ELAPOR2: variants seen among roughly 807,000 people sequenced by gnomAD.
ELAPOR2 encodes the protein endosome/lysosome-associated apoptosis and autophagy regulator family member 2.
In ELAPOR2, 89 loss-of-function variants were observed where a neutral mutation model predicts 120.7. The observed-to-expected ratio is 0.74, with a 90% CI of 0.62 to 0.88. The LOEUF (loss-of-function observed/expected upper bound fraction) is 0.88. Ranked by LOEUF, ELAPOR2 falls within the 40% of genes least tolerant of loss-of-function variation. The pLI, the probability that ELAPOR2 is intolerant of heterozygous loss-of-function variation, is 0.00. For synonymous variants in ELAPOR2, 444 were observed against 444.9 expected (o/e 1.00, Z 0.03); for missense variants, 1,134 against 1,251.6 (o/e 0.91, Z 1.42).
intron 1 of ELAPOR2, among the ~76,000 whole-genome samples, chr7:87,024,711 G>A (rs1486774822): frequency 6.6e-6 from 1 of 151,788 alleles, no homozygotes; most frequent in Admixed American, 6.6e-5. Context: ...TTTTTGGTTG[G>A]TAAGCTATAA....
chr7:86,885,636 T>C (rs1318071343), intron 21 of ELAPOR2, among the ~76,000 whole-genome samples: 2 of 151,696 alleles, frequency 1.3e-5, no homozygotes, highest in African/African-American at 4.8e-5. Context: ...CTGGAGAGGG[T>C]TTCTTAAACA....
At chr7:87,045,705 A>C (rs1292916742) in intron 1 of ELAPOR2, among the ~76,000 whole-genome samples, 1 of 151,898 alleles carries the variant, frequency 6.6e-6, no homozygotes, top group African/African-American at 2.4e-5. Context: ...ACATGTATAC[A>C]TATGTAACTA....
At chr7:86,946,669 G>A (rs560629582) in intron 3 of ELAPOR2, among the ~76,000 whole-genome samples, 2 of 152,292 alleles carry the variant, frequency 1.3e-5, no homozygotes, top group Non-Finnish European at 2.9e-5. Flanking sequence ...TTACAGGCAT[G>A]AGCCACCGCC....
intron 8 of ELAPOR2, among the ~76,000 whole-genome samples, chr7:86,928,213 T>C (rs1287536199): frequency 6.6e-6 from 1 of 151,970 alleles, no homozygotes; most frequent in Non-Finnish European, 1.5e-5. Context: ...TCTTACCATC[T>C]GTAAAATAAT....
chr7:86,987,164 T>G (rs1332435703), intron 1 of ELAPOR2, among the ~76,000 whole-genome samples: 2 of 152,150 alleles, frequency 1.3e-5, no homozygotes, highest in Non-Finnish European at 1.5e-5. Flanking sequence ...TGAAACTGGA[T>G]CCCTTCCTTA....
intron 21 of ELAPOR2, chr7:86,891,439 T>C (rs1404346734): frequency 6.8e-6 from 2 of 294,388 alleles, no homozygotes; most frequent in Non-Finnish European, 1.2e-5. Flanking sequence ...TCAGTACACA[T>C]AGCTATCTCA....
chr7:86,885,327 T>C (rs770152081), intron 21 of ELAPOR2, among the ~76,000 whole-genome samples: 2 of 152,114 alleles, frequency 1.3e-5, no homozygotes, highest in Non-Finnish European at 2.9e-5. Flanking sequence ...CTCAAATAAA[T>C]GATGTCAGTA....
At chr7:87,025,131 T>C (rs1240923443) in intron 1 of ELAPOR2, among the ~76,000 whole-genome samples, 2 of 152,090 alleles carry the variant, frequency 1.3e-5, no homozygotes, top group East Asian at 3.9e-4. Flanking sequence ...TGAGGAATAC[T>C]AAGTATTTCA....
intron 1 of ELAPOR2, among the ~76,000 whole-genome samples, chr7:87,035,496 A>G (rs777192252): frequency 1.1e-4 from 16 of 152,170 alleles, no homozygotes; most frequent in Non-Finnish European, 2.1e-4. Flanking sequence ...TGGCCCCCTC[A>G]AGTCTACTCT....
At chr7:87,047,172 A>G (rs1448095717) in intron 1 of ELAPOR2, among the ~76,000 whole-genome samples, 5 of 152,226 alleles carry the variant, frequency 3.3e-5, no homozygotes, top group Non-Finnish European at 7.3e-5. Context: ...CTCCCACTGT[A>G]TACAAAAATC....
At position 87,039,503 on chromosome 7, in the gene ELAPOR2, C is replaced by T. The variant is rs989143236; in HGVS notation, c.189+19822G>A. Among the ~76,000 whole-genome samples, 4 of 151,986 alleles carry T rather than the reference C, an allele frequency of 2.6e-5. No homozygotes were observed. The East Asian group carries it at 7.7e-4, about 29-fold the overall frequency. Reference sequence around the variant, plus strand: ...TCTGACGAATACTGATGTAAAAATCCTCAACAAAATACTAGCAAAATGAAT... The same window carrying T: ...TCTGACGAATACTGATGTAAAAATCTTCAACAAAATACTAGCAAAATGAAT... On this transcript the variant is annotated intron_variant, in intron 1 of 21. Coordinates refer to ENST00000450689, the MANE Select transcript of ELAPOR2 (RefSeq NM_001142749.3).
At chr7:86,945,069 C>A in intron 3 of ELAPOR2, 23 bp from the exon 4 acceptor site, 2 of 1,544,212 alleles carry the variant, frequency 1.3e-6, no homozygotes, top group Non-Finnish European at 1.7e-6. Context: ...AACCAAGAAG[C>A]ACTTTACATT....
intron 19 of ELAPOR2, among the ~76,000 whole-genome samples, chr7:86,893,543 C>G (rs554576420): frequency 1.8e-4 from 27 of 151,980 alleles, no homozygotes; most frequent in Non-Finnish European, 3.5e-4. Flanking sequence ...ATTCACCCAT[C>G]ATGTAAGCCC....
chr7:86,903,328 T>A (rs1205119287), intron 18 of ELAPOR2, among the ~76,000 whole-genome samples: 3 of 152,228 alleles, frequency 2.0e-5, no homozygotes, highest in African/African-American at 7.2e-5. Flanking sequence ...AATGCATCTA[T>A]ATGCCTTTTT....
chr7:87,055,104 CCCAGGTCA>C (rs1795222372), intron 1 of ELAPOR2, among the ~76,000 whole-genome samples: 2 of 152,120 alleles, frequency 1.3e-5, no homozygotes, highest in African/African-American at 4.8e-5. Flanking sequence ...TCAAGTTATT[CCCAGGTCA>C]CCACACCAGC....
Position 86,912,395 on chromosome 7 carries a change from T to TA in ELAPOR2, c.1996-151dup, listed in dbSNP as rs554613518. On this transcript the variant is annotated intron_variant, in intron 14 of 21. Coordinates refer to ENST00000450689, the MANE Select transcript of ELAPOR2 (RefSeq NM_001142749.3). ...TTACCATACTAATATAAAGAATTTC[T>TA]AAACTCTAACTAGATTTTTCTAAAC... 57 of 454,778 alleles carry TA rather than the reference T, an allele frequency of 1.3e-4. No homozygotes were observed. The South Asian group carries it at 3.6e-3, about 28-fold the overall frequency. 28.2% of individuals were successfully genotyped at this position (454,778 alleles called of 1,614,324 possible). A position where few individuals can be genotyped will look rare whatever the true frequency, so the allele number is the denominator to read the frequency against.
intron 1 of ELAPOR2, among the ~76,000 whole-genome samples, chr7:87,039,140 C>T (rs976857708): frequency 3.3e-5 from 5 of 152,082 alleles, no homozygotes; most frequent in East Asian, 1.9e-4. Flanking sequence ...AGTAACTATA[C>T]GCCAACCAAC....
intron 1 of ELAPOR2, among the ~76,000 whole-genome samples, chr7:87,023,852 T>C (rs948320582): frequency 6.6e-6 from 1 of 152,212 alleles, no homozygotes; most frequent in Non-Finnish European, 1.5e-5. Flanking sequence ...TTACTCATGA[T>C]TTGGCTCTCT....
intron 21 of ELAPOR2, among the ~76,000 whole-genome samples, chr7:86,883,919 A>G (rs1247126188): frequency 6.6e-6 from 1 of 152,206 alleles, no homozygotes; most frequent in African/African-American, 2.4e-5. Flanking sequence ...ATCATCAATG[A>G]TAAGTTCCCT....
Sources: gnomAD v4.1 joint callset for allele counts (sites outside exome capture counted in the v4.1 genomes callset) on GRCh38, gnomAD v4.1.1 for gene constraint, MANE v1.5 for transcripts, NCBI Gene and HGNC (gene_info 2026-07-23, HGNC 2026-07-21) for gene names.